SMIM36: variants seen among roughly 807,000 people sequenced by gnomAD.
SMIM36 encodes small integral membrane protein 36.
chr17:55,484,646 G>A (rs1421641568), intron 1 of SMIM36, among the ~76,000 whole-genome samples: 2 of 152,198 alleles, frequency 1.3e-5, no homozygotes, highest in African/African-American at 4.8e-5. Context: ...TCAATGTATA[G>A]GAAATATGGC....
chr17:55,505,707 T>A (rs1567872131), intron 1 of SMIM36, among the ~76,000 whole-genome samples: 1 of 84,946 alleles, frequency 1.2e-5, no homozygotes, highest in Non-Finnish European at 2.0e-5. Flanking sequence ...TTCAACATAG[T>A]GTTGGAAGTT....
intron 3 of SMIM36, among the ~76,000 whole-genome samples, chr17:55,469,807 A>C (rs144504229): frequency 6.6e-6 from 1 of 152,088 alleles, no homozygotes; most frequent in Admixed American, 6.6e-5. Flanking sequence ...GTGAAACCCC[A>C]TCTCCACTAA....
chr17:55,527,679 C>T, the SMIM36 span: 1 of 152,140 alleles, frequency 6.6e-6, no homozygotes, highest in Non-Finnish European at 1.5e-5. Flanking sequence ...GTATCCTTTT[C>T]CTTCTTGGAG....
chr17:55,513,358 T>C (rs1910214809), upstream of SMIM36, among the ~76,000 whole-genome samples: 1 of 152,228 alleles, frequency 6.6e-6, no homozygotes, highest in Non-Finnish European at 1.5e-5. Flanking sequence ...AATTCAACAC[T>C]GTCCAAGGTT....
In SMIM36 at chr17:55,510,449, A is replaced by AT. The variant is rs779208030; in HGVS notation, c.*174+429_*174+430insA. ...GTGAAACCCCATCTCTACAAAAAAA[A>AT]GACAGGCGTGGTGTCATGACCTTAG... is the stretch of plus-strand genomic sequence containing the variant. On this transcript the variant is annotated intron_variant, in intron 1 of 4. Coordinates refer to ENST00000636752, the Ensembl canonical transcript of SMIM36. Among the ~76,000 whole-genome samples, 10 of 152,254 alleles carry AT rather than the reference A, an allele frequency of 6.6e-5. No individual in the cohort carries two copies. The East Asian group carries it at 7.8e-4, about 12-fold the overall frequency.
At chr17:55,497,733 A>C (rs2144713571) in intron 1 of SMIM36, among the ~76,000 whole-genome samples, 1 of 152,222 alleles carries the variant, frequency 6.6e-6, no homozygotes, top group East Asian at 1.9e-4. Flanking sequence ...AAACCCCCAC[A>C]ACAAATGGTT....
At chr17:55,457,501 G>A (rs904740995) in intron 4 of SMIM36, among the ~76,000 whole-genome samples, 5 of 148,984 alleles carry the variant, frequency 3.4e-5, no homozygotes, top group African/African-American at 1.2e-4. Context: ...GACAGCTCTC[G>A]AGATCTTTAA....
intron 1 of SMIM36, among the ~76,000 whole-genome samples, chr17:55,484,542 A>C (rs1909573120): frequency 6.6e-6 from 1 of 152,240 alleles, no homozygotes; most frequent in Non-Finnish European, 1.5e-5. Flanking sequence ...ACACATTATA[A>C]ACCTCCCAGT....
At position 55,467,489 on chromosome 17, in the gene SMIM36, A is replaced by T. The variant is rs9908571; in HGVS notation, c.*348-161T>A. Among the ~76,000 whole-genome samples, 4 of 151,536 alleles carry T rather than the reference A, an allele frequency of 2.6e-5. 1 individual carries two copies. Among genetic ancestry groups the T allele is most frequent in the African/African-American group, 4.9e-5 (2 of 41,188 alleles). ...TCGGCTCCCTGCCAGCTCCGCCTCC[A>T]AGGTTCATGCCATTCTCCTGCCTCA... On this transcript the variant is annotated intron_variant, in intron 3 of 4. Transcript: ENST00000636752.
the SMIM36 span, among the ~76,000 whole-genome samples, chr17:55,520,698 G>T: frequency 6.6e-6 from 1 of 152,170 alleles, no homozygotes; most frequent in Non-Finnish European, 1.5e-5. Flanking sequence ...GAAAACTTAC[G>T]AATAGTTTAT....
Position 55,511,430 on chromosome 17 carries a change from C to T in SMIM36, c.-96G>A, listed in dbSNP as rs959082956. 46 of 396,858 alleles carry T rather than the reference C, an allele frequency of 1.2e-4. No homozygotes were observed. Among genetic ancestry groups the T allele is most frequent in the African/African-American group, 9.5e-4 (46 of 48,602 alleles). The allele number at this position is 396,858 out of a possible 1,614,324, so 24.6% of individuals were successfully genotyped here. ...AGATCTTAGAGCATCGGAATAGCTA[C>T]ATTGGCTCTGGAGTAAAAATACATT... On this transcript the variant is annotated 5_prime_UTR_variant, in exon 1 of 5. An upstream start codon of the reference 5' UTR is lost. Coordinates refer to ENST00000636752, the Ensembl canonical transcript of SMIM36.
At chr17:55,452,430 G>A (rs374411029) in intron 4 of SMIM36, among the ~76,000 whole-genome samples, 34 of 152,286 alleles carry the variant, frequency 2.2e-4, no homozygotes, top group African/African-American at 7.9e-4. Context: ...AGTGATAGGG[G>A]AGGAAAACTC....
At chr17:55,480,805 A>T (rs949682587) in intron 1 of SMIM36, among the ~76,000 whole-genome samples, 10 of 152,170 alleles carry the variant, frequency 6.6e-5, no homozygotes, top group African/African-American at 2.4e-4. Flanking sequence ...GCATTGCCTC[A>T]TGATCATCAC....
At chr17:55,501,371 T>A (rs1158614809) in intron 1 of SMIM36, among the ~76,000 whole-genome samples, 7 of 76,916 alleles carry the variant, frequency 9.1e-5, no homozygotes, top group African/African-American at 2.3e-4. Context: ...TATAATATAT[T>A]ATATATTATA....
Position 55,491,475 on chromosome 17 carries a change from A to G in SMIM36, c.*175-11895T>C, listed in dbSNP as rs570887700. Among the ~76,000 whole-genome samples, 9 of 152,180 alleles carry G rather than the reference A, an allele frequency of 5.9e-5. No individual in the cohort carries two copies. In the East Asian group the frequency reaches 1.7e-3, roughly 29 times the overall value. On this transcript the variant is annotated intron_variant, in intron 1 of 4. Transcript: ENST00000636752. ...CTAGGGCAGCTGCTGCTCCAAATTC[A>G]TTCTCTCCCTCTTTCTTTTTACTGG...
intron 1 of SMIM36, among the ~76,000 whole-genome samples, chr17:55,497,193 A>G (rs1909824574): frequency 6.6e-6 from 1 of 152,106 alleles, no homozygotes; most frequent in Admixed American, 6.6e-5. Flanking sequence ...CTTACATTCC[A>G]TCTGGCAAAA....
intron 1 of SMIM36, among the ~76,000 whole-genome samples, chr17:55,510,255 C>T (rs184788442): frequency 6.6e-6 from 1 of 152,118 alleles, no homozygotes; most frequent in East Asian, 1.9e-4. Flanking sequence ...GGGAATAGAA[C>T]GTGAAGAGCT....
At chr17:55,484,286 A>C (rs1351591141) in intron 1 of SMIM36, among the ~76,000 whole-genome samples, 1 of 152,248 alleles carries the variant, frequency 6.6e-6, no homozygotes, top group Non-Finnish European at 1.5e-5. Context: ...ATTGCACTGC[A>C]GGATAACCAA....
In SMIM36 at chr17:55,501,225, A is replaced by ATTT. The variant is rs1404812018; in HGVS notation, c.*174+9653_*174+9654insAAA. Among the ~76,000 whole-genome samples the ATTT allele has an allele frequency of 2.2e-4, 21 of 94,812 alleles. 8 individuals carry two copies. The highest frequency in any genetic ancestry group is 0.015 in the Middle Eastern group (1 of 66). 62.2% of individuals were successfully genotyped at this position (94,812 alleles called of 152,430 possible). A position where few individuals can be genotyped will look rare whatever the true frequency, so the allele number is the denominator to read the frequency against. On this transcript the variant is annotated intron_variant, in intron 1 of 4. Coordinates refer to ENST00000636752, the Ensembl canonical transcript of SMIM36. ...TATTATAATATATAATATATATTATATATTATAATATATAATATAGTATTA... is the reference window on the plus strand; with the variant it reads ...TATTATAATATATAATATATATTATATTTTATTATAATATATAATATAGTATTA...
Sources: allele counts gnomAD v4.1 joint callset (sites outside exome capture counted in the v4.1 genomes callset), GRCh38; gene constraint gnomAD v4.1.1; transcripts MANE v1.5; gene names NCBI Gene and HGNC (gene_info 2026-07-23, HGNC 2026-07-21).